The following PLCXD3 variants were observed in gnomAD, a reference collection of about 807,000 sequenced individuals.
PLCXD3 encodes the protein phosphatidylinositol specific phospholipase C X domain containing 3.
Under a neutral mutation model 25.5 loss-of-function variants are expected in PLCXD3, and 19 were observed. The ratio of observed to expected loss-of-function variants is 0.75; its 90% confidence interval spans 0.52 to 1.09. The LOEUF (loss-of-function observed/expected upper bound fraction) is 1.09, where lower values mean the gene tolerates loss of function less well. Ranked by LOEUF, PLCXD3 falls within the 50% of genes least tolerant of loss-of-function variation. PLCXD3 has a pLI of 0.00. For synonymous variants in PLCXD3, 174 were observed against 137.6 expected (o/e 1.26, Z -1.85); for missense variants, 411 against 388.1 (o/e 1.06, Z -0.50).
At chr5:41,413,896 A>G (rs1343452728) in intron 1 of PLCXD3, among the ~76,000 whole-genome samples, 1 of 152,216 alleles carries the variant, frequency 6.6e-6, no homozygotes, top group African/African-American at 2.4e-5. Flanking sequence ...CTGAGCTGGT[A>G]AGAACATAAG....
intron 1 of PLCXD3, among the ~76,000 whole-genome samples, chr5:41,509,934 G>A (rs1474221011): frequency 6.6e-6 from 1 of 152,148 alleles, no homozygotes; most frequent in African/African-American, 2.4e-5. Flanking sequence ...AGGAGATTGG[G>A]GACGAATATT....
intron 1 of PLCXD3, among the ~76,000 whole-genome samples, chr5:41,428,001 A>G (rs1370493546): frequency 6.6e-6 from 1 of 152,152 alleles, no homozygotes; most frequent in Non-Finnish European, 1.5e-5. Flanking sequence ...TAAATTTCCC[A>G]TCTCTAGTGA....
At chr5:41,320,001 C>T (rs1413777137) in intron 2 of PLCXD3, among the ~76,000 whole-genome samples, 1 of 151,880 alleles carries the variant, frequency 6.6e-6, no homozygotes, top group African/African-American at 2.4e-5. Context: ...AATAGGAAAA[C>T]CTACAAGAAA....
chr5:41,389,706 T>C (rs1483876660), intron 1 of PLCXD3, among the ~76,000 whole-genome samples: 1 of 152,136 alleles, frequency 6.6e-6, no homozygotes, highest in Non-Finnish European at 1.5e-5. Flanking sequence ...AAGGAAACCA[T>C]GGTCAGTATA....
intron 1 of PLCXD3, among the ~76,000 whole-genome samples, chr5:41,412,608 A>C (rs1215681994): frequency 6.6e-6 from 1 of 152,198 alleles, no homozygotes; most frequent in Non-Finnish European, 1.5e-5. Context: ...CCTTCTAATC[A>C]CATACTGTTT....
intron 2 of PLCXD3, among the ~76,000 whole-genome samples, chr5:41,377,917 T>C (rs1308132834): frequency 2.0e-5 from 3 of 152,096 alleles, no homozygotes; most frequent in Non-Finnish European, 2.9e-5. Flanking sequence ...ACTGTGCAGA[T>C]GAAAATATGT....
At chr5:41,326,523 G>A (rs1743632125) in intron 2 of PLCXD3, among the ~76,000 whole-genome samples, 1 of 151,906 alleles carries the variant, frequency 6.6e-6, no homozygotes, top group African/African-American at 2.4e-5. Context: ...CTGTTCATTT[G>A]TTCTCCAGTG....
chr5:41,329,557 G>T (rs941776955), intron 2 of PLCXD3, among the ~76,000 whole-genome samples: 4 of 152,160 alleles, frequency 2.6e-5, no homozygotes, highest in Non-Finnish European at 5.9e-5. Context: ...ATTTTAGTTT[G>T]TGGACTCACT....
chr5:41,376,012 A>G (rs1745283634), intron 2 of PLCXD3, among the ~76,000 whole-genome samples: 1 of 152,148 alleles, frequency 6.6e-6, no homozygotes, highest in Non-Finnish European at 1.5e-5. Context: ...CAAATCATGT[A>G]GCGCTCTTAG....
chr5:41,455,813 A>G (rs1053961101), intron 1 of PLCXD3, among the ~76,000 whole-genome samples: 8 of 151,954 alleles, frequency 5.3e-5, no homozygotes, highest in African/African-American at 1.9e-4. Context: ...CAATCCTGTA[A>G]TAAGCCCAAG....
chr5:41,395,628 T>C (rs1363105742), intron 1 of PLCXD3, among the ~76,000 whole-genome samples: 2 of 152,098 alleles, frequency 1.3e-5, no homozygotes, highest in South Asian at 2.1e-4. Context: ...GGAAACATTA[T>C]AATTGATACT....
At chr5:41,448,065 C>A (rs752097928) in intron 1 of PLCXD3, among the ~76,000 whole-genome samples, 1 of 152,162 alleles carries the variant, frequency 6.6e-6, no homozygotes, top group Non-Finnish European at 1.5e-5. Flanking sequence ...TAACTGAAAG[C>A]CTCATAACAG....
intron 1 of PLCXD3, among the ~76,000 whole-genome samples, chr5:41,479,870 G>A (rs1340984038): frequency 6.6e-6 from 1 of 152,098 alleles, no homozygotes; most frequent in Admixed American, 6.5e-5. Context: ...ATAAGTATTT[G>A]CCAATACTTG....
chr5:41,392,341 GAGAGAGAGAGAGAA>G (rs1212965262), intron 1 of PLCXD3, among the ~76,000 whole-genome samples: 2 of 147,658 alleles, frequency 1.4e-5, no homozygotes, highest in African/African-American at 2.6e-5. Context: ...GAGAGAGAGG[GAGAGAGAGAGAGAA>G]AGAGAGAGAG....
At chr5:41,438,099 A>G (rs535596855) in intron 1 of PLCXD3, among the ~76,000 whole-genome samples, 4 of 152,288 alleles carry the variant, frequency 2.6e-5, no homozygotes, top group African/African-American at 9.6e-5. Context: ...TTGTTTGGAA[A>G]GGTGACCACT....
chr5:41,484,345 G>C (rs1229019727), intron 1 of PLCXD3, among the ~76,000 whole-genome samples: 1 of 151,942 alleles, frequency 6.6e-6, no homozygotes, highest in East Asian at 1.9e-4. Flanking sequence ...CCATGTTTAA[G>C]TTACTGTATG....
chr5:41,310,119 G>C lies in PLCXD3; in HGVS notation c.*3498C>G, dbSNP rs1743100558. ...ACTCCATGAAAAGTAAGTTTTCCCA[G>C]TATGGCTGAAAGTCAATATTGAGGT... On this transcript the variant is annotated 3_prime_UTR_variant, in exon 3 of 3. Transcript: ENST00000377801. The C allele has an allele frequency of 6.6e-6, 1 of 152,108 alleles. No homozygotes were observed. The highest frequency in any genetic ancestry group is 2.4e-5 in the African/African-American group (1 of 41,428). 9.4% of individuals were successfully genotyped at this position (152,108 alleles called of 1,614,324 possible).
At chr5:41,424,242 A>C (rs954138812) in intron 1 of PLCXD3, among the ~76,000 whole-genome samples, 1 of 152,142 alleles carries the variant, frequency 6.6e-6, no homozygotes, top group African/African-American at 2.4e-5. Flanking sequence ...TAATATATAC[A>C]TAAAAGGTTG....
intron 1 of PLCXD3, among the ~76,000 whole-genome samples, chr5:41,413,197 CCAAA>C (rs1561266112): frequency 6.6e-6 from 1 of 152,002 alleles, no homozygotes; most frequent in South Asian, 2.1e-4. Flanking sequence ...TTTCTACAAA[CCAAA>C]CAAATACTTT....
Sources: gnomAD v4.1 joint callset for allele counts (sites outside exome capture counted in the v4.1 genomes callset) on GRCh38, gnomAD v4.1.1 for gene constraint, MANE v1.5 for transcripts, NCBI Gene and HGNC (gene_info 2026-07-23, HGNC 2026-07-21) for gene names.